EZH2: variants seen among roughly 807,000 people sequenced by gnomAD.
EZH2 encodes histone-lysine N-methyltransferase EZH2.
Under a neutral mutation model 98.4 loss-of-function variants are expected in EZH2, and 18 were observed. That is an observed-to-expected ratio of 0.18 (90% CI 0.13 to 0.27). The LOEUF is 0.27. EZH2 is among the 10% of genes least tolerant of loss of function. EZH2 has a pLI of 1.00. For missense variants in EZH2, 470 were observed against 935.1 expected (o/e 0.50, Z 6.49); for synonymous variants, 338 against 312.3 (o/e 1.08, Z -0.87).
intron 3 of EZH2, among the ~76,000 whole-genome samples, chr7:148,843,256 T>G (rs1812960820): frequency 6.7e-6 from 1 of 149,710 alleles, no homozygotes; most frequent in South Asian, 2.1e-4. Flanking sequence ...CGTGTGACTG[T>G]AGTCCTAGCT....
intron 8 of EZH2, among the ~76,000 whole-genome samples, chr7:148,824,716 A>G (rs575512465): frequency 6.6e-6 from 1 of 152,338 alleles, no homozygotes; most frequent in African/African-American, 2.4e-5. Flanking sequence ...AAAATATACC[A>G]TGTGTGGTAT....
chr7:148,873,344 T>C (rs926705711), intron 1 of EZH2, among the ~76,000 whole-genome samples: 4 of 151,672 alleles, frequency 2.6e-5, no homozygotes, highest in African/African-American at 4.8e-5. Context: ...ATACAAAAAC[T>C]AGCCGGGCGT....
intron 4 of EZH2, among the ~76,000 whole-genome samples, chr7:148,831,476 T>C (rs1191776307): frequency 6.6e-6 from 1 of 152,244 alleles, no homozygotes; most frequent in African/African-American, 2.4e-5. Flanking sequence ...ATAAAGATTG[T>C]GTGCCTAATC....
intron 1 of EZH2, among the ~76,000 whole-genome samples, chr7:148,876,839 A>C (rs1451505535): frequency 6.6e-6 from 1 of 152,168 alleles, no homozygotes; most frequent in Non-Finnish European, 1.5e-5. Context: ...ATTGTTTTAC[A>C]ACTCTTTTAA....
In EZH2 at chr7:148,828,763, T is replaced by G; in HGVS notation, c.602A>C (p.Lys201Thr). ...DDPEEREEKQ[K>T]DLEDHRDDKE... ...ACCATCTCGGTGATCCTCCAGATCTTTCTGCTTTTCTTCTCTTTCTTCAGG... is the reference window on the plus strand; with the variant it reads ...ACCATCTCGGTGATCCTCCAGATCTGTCTGCTTTTCTTCTCTTTCTTCAGG... Residue 201 changes from lysine to threonine, a missense_variant, in exon 6 of 20, where the codon AAA (lysine) becomes ACA (threonine). By Grantham distance (78) the Lys-to-Thr change is moderately conservative. Around this residue, in one of 6 missense-constraint regions of EZH2, gnomAD observed 69 missense variants for 78.3 expected, o/e 0.88. Transcript: ENST00000320356. 6.2e-7 allele frequency: 1 copy of G among 1,613,776 alleles called. No homozygotes were observed. The highest frequency in any genetic ancestry group is 1.3e-5 in the African/African-American group (1 of 74,918).
At chr7:148,863,714 C>G (rs896017623) in intron 1 of EZH2, among the ~76,000 whole-genome samples, 1 of 152,186 alleles carries the variant, frequency 6.6e-6, no homozygotes, top group Non-Finnish European at 1.5e-5. Context: ...AAGCTCATTA[C>G]TGTGAGGGAC....
chr7:148,808,064 A>G (rs1801987132), intron 19 of EZH2, among the ~76,000 whole-genome samples: 1 of 152,222 alleles, frequency 6.6e-6, no homozygotes, highest in South Asian at 2.1e-4. Context: ...AAGGCAAAAT[A>G]GAACCATGGT....
At chr7:148,870,100 G>A (rs1248556223) in intron 1 of EZH2, among the ~76,000 whole-genome samples, 1 of 152,124 alleles carries the variant, frequency 6.6e-6, no homozygotes, top group East Asian at 1.9e-4. Context: ...CTCTATTTCA[G>A]GCAAATATTC....
At chr7:148,811,839 T>TA in intron 15 of EZH2, 119 bp from the exon 16 acceptor site, 1 of 809,090 alleles carries the variant, frequency 1.2e-6, no homozygotes, top group Non-Finnish European at 2.0e-6. Context: ...CTGTTTGTTC[T>TA]AAGGCAGTAA....
rs771280974 is a variant in EZH2 at position 148,828,919 on chromosome 7, A to T, written c.485-39T>A. On this transcript the variant is annotated intron_variant, in intron 5 of 19. Transcript: ENST00000320356. Reference sequence around the variant, plus strand: ...AATGTCAGAAACACACAGGAGAAGCAATAATGTCAAAAGTTTATGTATCCT... The same window carrying T: ...AATGTCAGAAACACACAGGAGAAGCTATAATGTCAAAAGTTTATGTATCCT... 173 of 1,560,456 alleles carry T rather than the reference A, an allele frequency of 1.1e-4. 1 individual carries two copies. The highest frequency in any genetic ancestry group is 1.4e-4 in the Non-Finnish European group (165 of 1,152,384).
chr7:148,828,498 C>G (rs958006851), intron 6 of EZH2, among the ~76,000 whole-genome samples: 1 of 152,078 alleles, frequency 6.6e-6, no homozygotes, highest in African/African-American at 2.4e-5. Context: ...CTATGTTGCC[C>G]AGGTTGGTCT....
intron 1 of EZH2, among the ~76,000 whole-genome samples, chr7:148,860,807 GACC>G (rs1041367174): frequency 6.6e-6 from 1 of 152,116 alleles, no homozygotes. Flanking sequence ...AGGTAGCTGG[GACC>G]ACATGTGCAC....
intron 1 of EZH2, among the ~76,000 whole-genome samples, chr7:148,856,588 T>G (rs1248105286): frequency 6.6e-6 from 1 of 152,022 alleles, no homozygotes; most frequent in Non-Finnish European, 1.5e-5. Flanking sequence ...GGAAGCAGGG[T>G]CTGCAGAAAC....
intron 1 of EZH2, 88 bp from the exon 2 acceptor site, chr7:148,847,393 C>G: frequency 6.6e-7 from 1 of 1,518,016 alleles, no homozygotes; most frequent in Non-Finnish European, 9.0e-7. Context: ...AACTAACAAT[C>G]AGTGAAGAAA....
At chr7:148,826,656 A>C (rs1807793080) in intron 7 of EZH2, 24 bp from the exon 8 acceptor site, 1 of 1,445,482 alleles carries the variant, frequency 6.9e-7, no homozygotes, top group African/African-American at 1.4e-5. Flanking sequence ...AGAAAAATTT[A>C]AGTAAACATG....
chr7:148,830,263 C>A (rs1241547606), intron 4 of EZH2, among the ~76,000 whole-genome samples: 1 of 152,146 alleles, frequency 6.6e-6, no homozygotes, highest in Non-Finnish European at 1.5e-5. Context: ...TCAAGTGATC[C>A]ACCCGCCTTG....
rs751491337 is a variant in EZH2, at chr7:148,817,401, C to G, written c.1241-10G>C. On this transcript the variant is annotated splice_polypyrimidine_tract_variant and intron_variant, in intron 10 of 19. Transcript: ENST00000320356. Reference sequence around the variant, plus strand: ...CACCGAGAATTTGCTTCTACAAAACCAAATGTAAGCACTGGTCAAGAAATG... The same window carrying G: ...CACCGAGAATTTGCTTCTACAAAACGAAATGTAAGCACTGGTCAAGAAATG... 1 of 1,610,194 alleles carries G rather than the reference C, an allele frequency of 6.2e-7. No individual in the cohort carries two copies. The highest frequency in any genetic ancestry group is 8.5e-7 in the Non-Finnish European group (1 of 1,178,596).
At chr7:148,857,770 T>C (rs994621087) in intron 1 of EZH2, among the ~76,000 whole-genome samples, 1 of 151,622 alleles carries the variant, frequency 6.6e-6, no homozygotes, top group Non-Finnish European at 1.5e-5. Flanking sequence ...AATAAATAAA[T>C]AAATAATTAA....
intron 1 of EZH2, among the ~76,000 whole-genome samples, chr7:148,867,139 C>G (rs1818667907): frequency 6.7e-6 from 1 of 149,968 alleles, no homozygotes. Flanking sequence ...CCAGCCTGGC[C>G]AACATGGTGA....
Sources: allele counts gnomAD v4.1 joint callset (sites outside exome capture counted in the v4.1 genomes callset), GRCh38; gene constraint gnomAD v4.1.1; regional missense constraint gnomAD v4.1.1; transcripts MANE v1.5; gene names NCBI Gene and HGNC (gene_info 2026-07-23, HGNC 2026-07-21).